The following SLC24A2 variants were observed in gnomAD, a reference collection of about 807,000 sequenced individuals.
SLC24A2 encodes the protein sodium/potassium/calcium exchanger 2.
In SLC24A2, 36 loss-of-function variants were observed where a neutral mutation model predicts 62.0. That is an observed-to-expected ratio of 0.58 (90% confidence interval 0.44 to 0.77). The LOEUF (loss-of-function observed/expected upper bound fraction) is 0.77. Among genes scored for constraint, SLC24A2 ranks in the 30% least tolerant of loss-of-function variants. The pLI is 0.00. For missense variants in SLC24A2, 846 were observed against 817.9 expected (o/e 1.03, Z -0.42); for synonymous variants, 358 against 294.0 (o/e 1.22, Z -2.23).
At chr9:19,894,728 G>A in the SLC24A2 span, among the ~76,000 whole-genome samples, 1 of 152,044 alleles carries the variant, frequency 6.6e-6, no homozygotes, top group African/African-American at 2.4e-5. Context: ...ATGGGACAAG[G>A]TATATTTATT....
At chr9:19,990,687 A>G in the SLC24A2 span, among the ~76,000 whole-genome samples, 2 of 151,016 alleles carry the variant, frequency 1.3e-5, no homozygotes, top group Admixed American at 6.6e-5. Context: ...AATTCCATAA[A>G]CAATTCATAT....
intron 8 of SLC24A2, among the ~76,000 whole-genome samples, chr9:19,529,344 A>G (rs772066830): frequency 2.0e-5 from 3 of 152,186 alleles, no homozygotes; most frequent in African/African-American, 7.2e-5. Context: ...CATACATGGT[A>G]ATCTTTTGAA....
At chr9:19,731,603 G>A (rs1259293686) in intron 2 of SLC24A2, among the ~76,000 whole-genome samples, 1 of 151,946 alleles carries the variant, frequency 6.6e-6, no homozygotes, top group African/African-American at 2.4e-5. Context: ...ACATCTATGA[G>A]CTAGAAGAAA....
intron 7 of SLC24A2, among the ~76,000 whole-genome samples, chr9:19,557,829 G>C (rs887917749): frequency 9.8e-5 from 7 of 71,628 alleles, no homozygotes; most frequent in African/African-American, 4.4e-4. Context: ...TTTTTTTTTT[G>C]AGACAGGGTC....
At chr9:20,150,350 G>A in the SLC24A2 span, among the ~76,000 whole-genome samples, 19 of 151,988 alleles carry the variant, frequency 1.3e-4, no homozygotes, top group South Asian at 2.5e-3. Flanking sequence ...ACTGAAAATA[G>A]GTTACCACAT....
chr9:19,846,287 G>C, the SLC24A2 span, among the ~76,000 whole-genome samples: 4 of 152,216 alleles, frequency 2.6e-5, no homozygotes, highest in African/African-American at 7.2e-5. Flanking sequence ...TGTTGGGTGC[G>C]CATATATTTG....
chr9:19,786,040 T>C lies in SLC24A2; in HGVS notation c.827A>G (p.Tyr276Cys). Residue 276 changes from tyrosine (Y) to cysteine (C), a missense_variant, in exon 2 of 11, where the codon TAT (tyrosine) becomes TGT (cysteine). Tyr to Cys is a radical substitution (Grantham distance 194). Coordinates refer to ENST00000341998, the MANE Select transcript of SLC24A2 (RefSeq NM_020344.4). This position sits in a 1 kb window ranked among gnomAD's most constrained non-coding sequence, Gnocchi z 5.0. ...GACGTTGAATTTCATGAAAACCACA[T>C]AGCAAAAATAAGCTGTTAAGAGAAG... Reference protein sequence around the residue: ...SLLLLTAYFCYVVFMKFNVQV... With the variant: ...SLLLLTAYFCCVVFMKFNVQV... 2 of 1,614,144 alleles carry C rather than the reference T, an allele frequency of 1.2e-6. No homozygotes were observed. The highest frequency in any genetic ancestry group is 1.1e-5 in the South Asian group (1 of 91,084).
chr9:19,869,119 C>A, the SLC24A2 span, among the ~76,000 whole-genome samples: 5 of 151,964 alleles, frequency 3.3e-5, no homozygotes, highest in Non-Finnish European at 7.4e-5. Context: ...GTAGCTGGGA[C>A]CAAAGGCATG....
the SLC24A2 span, among the ~76,000 whole-genome samples, chr9:19,863,590 A>G: frequency 6.6e-6 from 1 of 152,050 alleles, no homozygotes; most frequent in East Asian, 1.9e-4. Context: ...ATACATGGAA[A>G]TTAAATATTC....
the SLC24A2 span, among the ~76,000 whole-genome samples, chr9:20,223,630 A>G: frequency 1.3e-5 from 2 of 152,206 alleles, no homozygotes; most frequent in Admixed American, 6.5e-5. Context: ...GTGAATAGAC[A>G]AATACATCAA....
intron 5 of SLC24A2, among the ~76,000 whole-genome samples, chr9:19,592,493 CCCACCTACCT>C (rs1563986474): frequency 0.019 from 129 of 6,934 alleles, no homozygotes; most frequent in African/African-American, 0.052. Context: ...TACCTACCTA[CCCACCTACCT>C]ACCTACCTAC....
chr9:20,275,794 C>T, the SLC24A2 span, among the ~76,000 whole-genome samples: 1 of 152,140 alleles, frequency 6.6e-6, no homozygotes, highest in African/African-American at 2.4e-5. Context: ...GGAGGCCTCA[C>T]AATCATGGTG....
chr9:19,627,325 T>C (rs1390617267), intron 2 of SLC24A2, among the ~76,000 whole-genome samples: 1 of 152,182 alleles, frequency 6.6e-6, no homozygotes, highest in African/African-American at 2.4e-5. Flanking sequence ...ATATTTGAGA[T>C]AGTAGAAAAA....
chr9:20,260,325 A>C, the SLC24A2 span, among the ~76,000 whole-genome samples: 1 of 152,250 alleles, frequency 6.6e-6, no homozygotes, highest in Non-Finnish European at 1.5e-5. Context: ...ATTTCTGTTT[A>C]TTATGAATTA....
the SLC24A2 span, among the ~76,000 whole-genome samples, chr9:20,119,631 A>G: frequency 6.6e-6 from 1 of 152,162 alleles, no homozygotes; most frequent in East Asian, 1.9e-4. Flanking sequence ...GCAACCATAA[A>G]AAGCCTACAG....
chr9:20,080,571 G>A, the SLC24A2 span, among the ~76,000 whole-genome samples: 2 of 152,136 alleles, frequency 1.3e-5, no homozygotes, highest in African/African-American at 4.8e-5. Flanking sequence ...GCATGGGCAA[G>A]GACTTCTTGT....
Position 19,654,759 on chromosome 9 carries a change from T to G in SLC24A2, c.931-32460A>C, listed in dbSNP as rs372919597. Reference sequence around the variant, plus strand: ...CCAGCTTATAATCCTAGTTCCATGATTGCAATGATGTCCAACTGCTTTGCC... The same window carrying G: ...CCAGCTTATAATCCTAGTTCCATGAGTGCAATGATGTCCAACTGCTTTGCC... On this transcript the variant is annotated intron_variant, in intron 2 of 10. Transcript: ENST00000341998. 9.2e-5 allele frequency among the ~76,000 whole-genome samples: 14 copies of G among 152,310 alleles called. 1 individual carries two copies. Among genetic ancestry groups the G allele is most frequent in the African/African-American group, 3.1e-4 (13 of 41,558 alleles).
chr9:19,778,498 A>T (rs1340185001), intron 2 of SLC24A2, among the ~76,000 whole-genome samples: 1 of 152,166 alleles, frequency 6.6e-6, no homozygotes, highest in Admixed American at 6.5e-5. Context: ...AGATGGTAGG[A>T]TGTGTCTATT....
chr9:19,712,115 G>T (rs1308358836), intron 2 of SLC24A2, among the ~76,000 whole-genome samples: 1 of 152,160 alleles, frequency 6.6e-6, no homozygotes. Context: ...TCTGGGGAAG[G>T]TCAGGATAAG....
Sources: allele counts gnomAD v4.1 joint callset (sites outside exome capture counted in the v4.1 genomes callset), GRCh38; gene constraint gnomAD v4.1.1; non-coding constraint Gnocchi (gnomAD v3.1); transcripts MANE v1.5; gene names NCBI Gene and HGNC (gene_info 2026-07-23, HGNC 2026-07-21).